Variants in PIK3C2A observed in about 807,000 individuals in gnomAD.
The protein encoded by PIK3C2A is phosphatidylinositol-4-phosphate 3-kinase catalytic subunit type 2 alpha.
A neutral mutation model predicts 204.5 loss-of-function variants in PIK3C2A; 97 were observed. The observed-to-expected ratio is 0.47, with a 90% CI of 0.40 to 0.56. PIK3C2A has a LOEUF of 0.56. PIK3C2A is among the 20% of genes least tolerant of loss of function. The probability of loss-of-function intolerance (pLI) is 0.00; values close to 1 mark genes in which losing one functional copy is unlikely to be tolerated. For missense variants in PIK3C2A, 1,735 were observed against 1,969.2 expected, an observed-to-expected ratio of 0.88 and a Z score of 2.25; for synonymous variants, 653 against 664.4, an observed-to-expected ratio of 0.98 and a Z score of 0.26.
chr11:17,194,198 C>G, intron 1 of PIK3C2A: 1 of 465,358 alleles, frequency 2.1e-6, no homozygotes, highest in Non-Finnish European at 3.5e-6. Flanking sequence ...TGGGTTGTGC[C>G]GGCCAAACGA....
At chr11:17,100,259 G>C (rs1012582747) in intron 25 of PIK3C2A, among the ~76,000 whole-genome samples, 1 of 113,352 alleles carries the variant, frequency 8.8e-6, no homozygotes, top group African/African-American at 3.2e-5. Flanking sequence ...CGGGGGGGGG[G>C]GGCAGGGAGC....
chr11:17,179,425 G>C (rs952473173), intron 1 of PIK3C2A, among the ~76,000 whole-genome samples: 1 of 151,712 alleles, frequency 6.6e-6, no homozygotes, highest in Non-Finnish European at 1.5e-5. Context: ...GCCTCCCAAA[G>C]CACTGGGATT....
Position 17,174,451 on chromosome 11 carries a change from G to A in PIK3C2A, c.-65-4645C>T, listed in dbSNP as rs1466698342. Among the ~76,000 whole-genome samples the A allele has an allele frequency of 1.7e-4, 15 of 86,338 alleles. 5 individuals are homozygous for A. Among genetic ancestry groups the A allele is most frequent in the Non-Finnish European group, 2.9e-4 (13 of 44,656 alleles). The allele number at this position is 86,338 out of a possible 152,430, so 56.6% of individuals were successfully genotyped here. A position where few individuals can be genotyped will look rare whatever the true frequency, so the allele number is the denominator to read the frequency against. On this transcript the variant is annotated intron_variant, in intron 1 of 32. Coordinates refer to ENST00000691414, the MANE Select transcript of PIK3C2A (RefSeq NM_002645.4). The stretch of plus-strand genomic sequence containing the variant: ...AAAAAAAAATACAAAAAAATTAGCC[G>A]GGCGTAGTGGCGGGCGCCTGTAGTC...
At chr11:17,111,179 A>G (rs1266971619) in intron 21 of PIK3C2A, among the ~76,000 whole-genome samples, 1 of 152,190 alleles carries the variant, frequency 6.6e-6, no homozygotes, top group African/African-American at 2.4e-5. Flanking sequence ...AAGTGCTGGG[A>G]TTACAGGCAT....
intron 1 of PIK3C2A, among the ~76,000 whole-genome samples, chr11:17,196,718 G>A (rs747273000): frequency 2.0e-5 from 3 of 151,612 alleles, no homozygotes; most frequent in Non-Finnish European, 4.4e-5. Flanking sequence ...TACAGGTACC[G>A]GCCACCACGC....
chr11:17,110,672 A>T, intron 21 of PIK3C2A, 111 bp from the exon 22 acceptor site: 5 of 849,654 alleles, frequency 5.9e-6, no homozygotes, highest in Non-Finnish European at 8.8e-6. Context: ...TGGGCAGAAC[A>T]CCTGAGGTCA....
At chr11:17,200,354 T>C (rs1156975385) in intron 1 of PIK3C2A, among the ~76,000 whole-genome samples, 1 of 152,178 alleles carries the variant, frequency 6.6e-6, no homozygotes, top group East Asian at 1.9e-4. Context: ...TTAAGGGATT[T>C]CTCTGTACTA....
At chr11:17,194,159 C>G in intron 1 of PIK3C2A, 1 of 729,252 alleles carries the variant, frequency 1.4e-6, no homozygotes, top group South Asian at 4.8e-5. Flanking sequence ...GCTTGGGAAG[C>G]GTGCTTGTGC....
intron 6 of PIK3C2A, among the ~76,000 whole-genome samples, chr11:17,146,955 C>T (rs548855991): frequency 6.6e-6 from 1 of 152,042 alleles, no homozygotes; most frequent in South Asian, 2.1e-4. Context: ...ATTAAAAATT[C>T]GATTTTAAGT....
Position 17,135,178 on chromosome 11 carries a change from A to C in PIK3C2A, c.1849-19T>G. On this transcript the variant is annotated intron_variant, in intron 9 of 32. Coordinates refer to ENST00000691414, the MANE Select transcript of PIK3C2A (RefSeq NM_002645.4). ...AAGTCACCTACACATGCACACACACACACAATAGTCAGAAAACTGCCTATG... is the reference window on the plus strand; with the variant it reads ...AAGTCACCTACACATGCACACACACCCACAATAGTCAGAAAACTGCCTATG... 6.2e-7 allele frequency: 1 copy of C among 1,613,544 alleles called. No homozygotes were observed. Among genetic ancestry groups the C allele is most frequent in the Non-Finnish European group, 8.5e-7 (1 of 1,179,636 alleles).
chr11:17,127,191 T>C (rs1849553724), intron 13 of PIK3C2A, among the ~76,000 whole-genome samples: 1 of 152,148 alleles, frequency 6.6e-6, no homozygotes, highest in Non-Finnish European at 1.5e-5. Flanking sequence ...AGTTCAAAAT[T>C]ATGTCAGGTA....
At chr11:17,090,207 G>A (rs747683432) in intron 32 of PIK3C2A, among the ~76,000 whole-genome samples, 1 of 152,216 alleles carries the variant, frequency 6.6e-6, no homozygotes, top group Non-Finnish European at 1.5e-5. Flanking sequence ...GGTGGCTCAC[G>A]CCTGTAATCC....
chr11:17,135,202 T>C lies in PIK3C2A; in HGVS notation c.1849-43A>G, dbSNP rs17847740. ...CACACAATAGTCAGAAAACTGCCTA[T>C]GACATAATATAAAATGTCAAATACT... On this transcript the variant is annotated intron_variant, in intron 9 of 32. Coordinates refer to ENST00000691414, the MANE Select transcript of PIK3C2A (RefSeq NM_002645.4). 6.9e-6 allele frequency: 11 copies of C among 1,594,896 alleles called. No homozygotes were observed. The East Asian group carries it at 1.6e-4, about 23-fold the overall frequency.
chr11:17,145,128 G>C (rs1224923560), intron 8 of PIK3C2A, among the ~76,000 whole-genome samples: 2 of 152,070 alleles, frequency 1.3e-5, no homozygotes, highest in Admixed American at 1.3e-4. Context: ...TGAGACTTTG[G>C]ACTTGAACTT....
At chr11:17,153,545 TAATGA>T (rs911825700) in intron 3 of PIK3C2A, among the ~76,000 whole-genome samples, 5 of 151,826 alleles carry the variant, frequency 3.3e-5, no homozygotes, top group African/African-American at 1.2e-4. Flanking sequence ...AACTCAGTAA[TAATGA>T]AAAGTAGTCC....
At chr11:17,131,656 C>A (rs902270108) in intron 12 of PIK3C2A, among the ~76,000 whole-genome samples, 1 of 152,156 alleles carries the variant, frequency 6.6e-6, no homozygotes, top group Non-Finnish European at 1.5e-5. Context: ...CTCCTGACCT[C>A]ATGATCCGCC....
At chr11:17,121,171 G>A (rs1318179918) in intron 15 of PIK3C2A, among the ~76,000 whole-genome samples, 1 of 151,928 alleles carries the variant, frequency 6.6e-6, no homozygotes. Context: ...AGGCTGCAGT[G>A]CAGTGATGAG....
At chr11:17,179,023 C>CTGG (rs1249571522) in intron 1 of PIK3C2A, among the ~76,000 whole-genome samples, 7 of 64 alleles carry the variant, frequency 0.11, no homozygotes, top group East Asian at 0.5. Context: ...GCCACCGCGC[C>CTGG]CCCGCTGATT....
intron 22 of PIK3C2A, 136 bp from the exon 23 acceptor site, chr11:17,105,441 C>T (rs952155488): frequency 5.9e-6 from 4 of 675,478 alleles, no homozygotes; most frequent in Non-Finnish European, 9.8e-6. Context: ...AAGTTTGTTA[C>T]ATAGGTATAC....
Sources: allele counts gnomAD v4.1 joint callset (sites outside exome capture counted in the v4.1 genomes callset), GRCh38; gene constraint gnomAD v4.1.1; transcripts MANE v1.5; gene names NCBI Gene and HGNC (gene_info 2026-07-23, HGNC 2026-07-21).